The following LUC7L2 variants were observed in gnomAD, a reference collection of about 807,000 sequenced individuals.
LUC7L2 encodes putative RNA-binding protein Luc7-like 2.
A neutral mutation model predicts 52.8 loss-of-function variants in LUC7L2; 25 were observed. The ratio of observed to expected loss-of-function variants is 0.47; its 90% CI spans 0.34 to 0.66. The LOEUF (loss-of-function observed/expected upper bound fraction) is 0.66. LUC7L2 is among the 30% of genes least tolerant of loss of function. The pLI is 0.01. For synonymous variants in LUC7L2, 144 were observed against 160.9 expected (o/e 0.89, Z 0.80); for missense variants, 328 against 497.8 (o/e 0.66, Z 3.25).
chr7:139,409,783 A>G, intron 7 of LUC7L2, 129 bp downstream of exon 7: 1 of 1,314,262 alleles, frequency 7.6e-7, no homozygotes, highest in Admixed American at 3.2e-5. Context: ...TACTTTAAAA[A>G]ATATTACTGT....
At chr7:139,381,640 G>C (rs1236734295) in intron 2 of LUC7L2, among the ~76,000 whole-genome samples, 1 of 150,952 alleles carries the variant, frequency 6.6e-6, no homozygotes, top group East Asian at 1.9e-4. Flanking sequence ...GCAATGGTTT[G>C]ATCTCGGCTC....
chr7:139,391,029 A>G (rs1046058290), intron 2 of LUC7L2, among the ~76,000 whole-genome samples: 4 of 152,142 alleles, frequency 2.6e-5, no homozygotes, highest in Admixed American at 6.5e-5. Context: ...AGATGCCATT[A>G]TATTGTTTGA....
upstream of LUC7L2, among the ~76,000 whole-genome samples, chr7:139,358,751 C>T (rs146911240): frequency 3.2e-4 from 48 of 152,264 alleles, no homozygotes; most frequent in East Asian, 2.7e-3. Context: ...GTGGCGTCAT[C>T]TCGACTCACT....
chr7:139,397,989 A>G (rs1228948977), intron 2 of LUC7L2, among the ~76,000 whole-genome samples: 1 of 152,142 alleles, frequency 6.6e-6, no homozygotes, highest in Non-Finnish European at 1.5e-5. Context: ...ATCAAAGTCA[A>G]CAGTCTTGTT....
At chr7:139,371,251 T>G in intron 1 of LUC7L2, 1 of 614,172 alleles carries the variant, frequency 1.6e-6, no homozygotes, top group Non-Finnish European at 2.9e-6. Context: ...ACTGATTGTT[T>G]TTGTAAATTG....
At chr7:139,366,710 G>T (rs539102253) in intron 1 of LUC7L2, among the ~76,000 whole-genome samples, 2 of 152,224 alleles carry the variant, frequency 1.3e-5, no homozygotes, top group African/African-American at 4.8e-5. Context: ...ACAAAAGCTT[G>T]TTGATCACCA....
chr7:139,355,720 CA>C (rs1395590019), upstream of LUC7L2, among the ~76,000 whole-genome samples: 1 of 151,978 alleles, frequency 6.6e-6, no homozygotes, highest in Admixed American at 6.6e-5. Context: ...GTAAAAAGTG[CA>C]AGACTGAGAG....
At chr7:139,343,101 C>A (rs772802405) in intron 1 of LUC7L2, among the ~76,000 whole-genome samples, 5 of 152,150 alleles carry the variant, frequency 3.3e-5, no homozygotes, top group Admixed American at 6.6e-5. Context: ...CTATTGCTGA[C>A]CCTTTTGTCC....
chr7:139,375,665 G>C, intron 1 of LUC7L2: 1 of 965,168 alleles, frequency 1.0e-6, no homozygotes, highest in Non-Finnish European at 1.2e-6. Flanking sequence ...GTCAAGAAGG[G>C]AACATTGTAT....
At chr7:139,404,721 C>T (rs577914967) in intron 4 of LUC7L2, among the ~76,000 whole-genome samples, 2 of 152,260 alleles carry the variant, frequency 1.3e-5, no homozygotes, top group South Asian at 4.1e-4. Flanking sequence ...TGGTGGAAAG[C>T]TAAGGACTCA....
chr7:139,399,912 C>CATAT (rs1554395104), intron 3 of LUC7L2, among the ~76,000 whole-genome samples: 1 of 148,666 alleles, frequency 6.7e-6, no homozygotes, highest in Non-Finnish European at 1.5e-5. Flanking sequence ...AGTTTTTTTG[C>CATAT]ATATATATAA....
intron 2 of LUC7L2, among the ~76,000 whole-genome samples, chr7:139,378,631 T>C (rs1300960053): frequency 6.6e-6 from 1 of 152,152 alleles, no homozygotes; most frequent in Non-Finnish European, 1.5e-5. Flanking sequence ...CATTCTTCAT[T>C]TAACATCAGA....
chr7:139,366,479 A>G (rs1401304116), intron 1 of LUC7L2, among the ~76,000 whole-genome samples: 2 of 130,642 alleles, frequency 1.5e-5, no homozygotes, highest in Non-Finnish European at 3.0e-5. Flanking sequence ...CTCTTAAAGT[A>G]ACTTTAATAG....
chr7:139,363,370 C>A, intron 1 of LUC7L2: 1 of 411,570 alleles, frequency 2.4e-6, no homozygotes, highest in Non-Finnish European at 3.3e-6. Flanking sequence ...GATAAGGCAT[C>A]ATGGGCTAAG....
intron 4 of LUC7L2, among the ~76,000 whole-genome samples, chr7:139,404,670 A>C (rs1405045601): frequency 6.6e-6 from 1 of 152,214 alleles, no homozygotes; most frequent in African/African-American, 2.4e-5. Flanking sequence ...GATGGTGATG[A>C]GGAAGAGGAA....
At chr7:139,345,393 C>G (rs911929203) in intron 1 of LUC7L2, 3 of 1,477,712 alleles carry the variant, frequency 2.0e-6, no homozygotes, top group Non-Finnish European at 2.7e-6. Context: ...GTCTGTATTT[C>G]CTCTGTGCAA....
At chr7:139,401,745 G>A (rs574749196) in intron 3 of LUC7L2, among the ~76,000 whole-genome samples, 2 of 147,526 alleles carry the variant, frequency 1.4e-5, no homozygotes, top group Non-Finnish European at 3.0e-5. Flanking sequence ...GACCCACCAC[G>A]CCCAGCTTCT....
At chr7:139,375,855 ATTTGAATTATGTATGCAGTACACT>A in intron 1 of LUC7L2, 183 bp from the exon 2 acceptor site, 1 of 466,614 alleles carries the variant, frequency 2.1e-6, no homozygotes, top group Non-Finnish European at 3.6e-6. Context: ...CACTTTGACT[ATTTGAATTATGTATGCAGTACACT>A]TACTGCAACT....
intron 9 of LUC7L2, among the ~76,000 whole-genome samples, chr7:139,419,829 C>T (rs183512956): frequency 3.9e-5 from 6 of 152,266 alleles, no homozygotes; most frequent in East Asian, 3.9e-4. Context: ...TTGCTTTTCT[C>T]GAGCACTTTC....
Sources: gnomAD v4.1 joint callset for allele counts (sites outside exome capture counted in the v4.1 genomes callset) on GRCh38, gnomAD v4.1.1 for gene constraint, MANE v1.5 for transcripts, NCBI Gene and HGNC (gene_info 2026-07-23, HGNC 2026-07-21) for gene names.